RBFOX2: variants seen among roughly 807,000 people sequenced by gnomAD.
The protein encoded by RBFOX2 is RNA binding fox-1 homolog 2, also known as RNA binding protein fox-1 homolog 2.
Under a neutral mutation model 49.1 loss-of-function variants are expected in RBFOX2, and 10 were observed. The observed-to-expected ratio is 0.20, with a 90% CI of 0.13 to 0.35. The LOEUF is 0.35. Ranked by LOEUF, RBFOX2 falls within the 10% of genes least tolerant of loss-of-function variation. RBFOX2 has a pLI of 1.00. For synonymous variants in RBFOX2, 183 were observed against 187.4 expected (o/e 0.98, Z 0.19); for missense variants, 323 against 486.9 (o/e 0.66, Z 3.17).
At chr22:35,783,543 TG>T (rs953570834) in intron 2 of RBFOX2, among the ~76,000 whole-genome samples, 1 of 151,882 alleles carries the variant, frequency 6.6e-6, no homozygotes, top group South Asian at 2.1e-4. Context: ...AAAGCGAGTT[TG>T]GGGGGGCACA....
chr22:35,916,583 G>A lies in RBFOX2; in HGVS notation c.-34+22264C>T, dbSNP rs556147029. The stretch of plus-strand genomic sequence containing the variant: ...AGGCACAAGTCACCGTGCCCAGCCA[G>A]GAGAGTGGTTGTTAATAGTAATGAG... On this transcript the variant is annotated intron_variant, in intron 1 of 13. Coordinates refer to the RBFOX2 transcript ENST00000359369. 1.2e-4 allele frequency among the ~76,000 whole-genome samples: 19 copies of A among 152,304 alleles called. No homozygotes were observed. In the South Asian group the frequency reaches 3.7e-3, roughly 30 times the overall value.
chr22:35,749,269 CAAG>C lies in RBFOX2; in HGVS notation c.888-2711_888-2709del, dbSNP rs1170461099. ...AATACTTTACTGAAAACAAAAGGCT[CAAG>C]AATATCAGCACTAAGAAAAAACACA... On this transcript the variant is annotated intron_variant, in intron 9 of 11. Transcript: ENST00000405409. This position sits in a 1 kb window ranked among gnomAD's most constrained non-coding sequence, Gnocchi z 4.1. Among the ~76,000 whole-genome samples the C allele has an allele frequency of 6.6e-6, 1 of 151,996 alleles. No homozygotes were observed. The highest frequency in any genetic ancestry group is 2.4e-5 in the African/African-American group (1 of 41,396).
At chr22:35,819,123 C>A (rs1205365456) in intron 1 of RBFOX2, among the ~76,000 whole-genome samples, 1 of 152,052 alleles carries the variant, frequency 6.6e-6, no homozygotes, top group East Asian at 1.9e-4. Flanking sequence ...GCTTCCTCAC[C>A]AAATGAAGTG....
chr22:35,920,677 G>C (rs1375448310), intron 1 of RBFOX2, among the ~76,000 whole-genome samples: 1 of 152,090 alleles, frequency 6.6e-6, no homozygotes, highest in Admixed American at 6.5e-5. Flanking sequence ...AAACAAGACG[G>C]ACTTTAGCAA....
exon 12 of RBFOX2, chr22:35,739,875 T>C (rs978092452): frequency 5.2e-5 from 8 of 152,532 alleles, no homozygotes; most frequent in African/African-American, 1.4e-4. Flanking sequence ...AAGGCTTGAG[T>C]TTTGGCTGAT....
intron 2 of RBFOX2, among the ~76,000 whole-genome samples, chr22:35,795,397 G>A (rs1294023534): frequency 6.6e-6 from 1 of 151,992 alleles, no homozygotes; most frequent in Non-Finnish European, 1.5e-5. Flanking sequence ...ACAATACATA[G>A]TATGATAGAC....
At chr22:35,826,094 C>G (rs1195618788) in intron 1 of RBFOX2, among the ~76,000 whole-genome samples, 2 of 147,266 alleles carry the variant, frequency 1.4e-5, no homozygotes, top group African/African-American at 2.5e-5. Flanking sequence ...ATAATCCCAG[C>G]ACTTTGGGAA....
chr22:35,843,088 AGAG>A (rs1465903788), upstream of RBFOX2, among the ~76,000 whole-genome samples: 1 of 152,222 alleles, frequency 6.6e-6, no homozygotes, highest in Non-Finnish European at 1.5e-5. Flanking sequence ...CTGGTATTAT[AGAG>A]GACAATTTGC....
chr22:35,823,986 A>G (rs1955091252), intron 1 of RBFOX2, among the ~76,000 whole-genome samples: 1 of 152,046 alleles, frequency 6.6e-6, no homozygotes, highest in Non-Finnish European at 1.5e-5. Context: ...CATCTCTACT[A>G]AAGATACAAA....
chr22:35,861,981 T>G (rs1427952630), intron 1 of RBFOX2, among the ~76,000 whole-genome samples: 1 of 152,184 alleles, frequency 6.6e-6, no homozygotes, highest in Non-Finnish European at 1.5e-5. Context: ...GTAACATGGA[T>G]GAATTTCAAA....
intron 1 of RBFOX2, among the ~76,000 whole-genome samples, chr22:35,949,146 A>C (rs1868658531): frequency 6.6e-6 from 1 of 152,234 alleles, no homozygotes; most frequent in Non-Finnish European, 1.5e-5. Flanking sequence ...ATATTGTAGC[A>C]CGTGTCAGAA....
chr22:36,022,427 C>T (rs6000066), intron 1 of RBFOX2, among the ~76,000 whole-genome samples: 35,531 of 152,068 alleles, frequency 0.23, 6,734 homozygotes, highest in African/African-American at 0.53. Context: ...GGGAGACAAA[C>T]TCAACTCAAG....
intron 1 of RBFOX2, among the ~76,000 whole-genome samples, chr22:35,867,343 T>C (rs899310620): frequency 1.3e-5 from 2 of 152,334 alleles, no homozygotes; most frequent in Middle Eastern, 3.4e-3. Context: ...TCCAGAATAA[T>C]ATGAGTACAT....
chr22:35,746,176 A>AAATCTGAAGTACTTCCAT (rs1456983564), intron 10 of RBFOX2, among the ~76,000 whole-genome samples, 181 bp from the exon 13 acceptor site: 2 of 152,252 alleles, frequency 1.3e-5, no homozygotes, highest in African/African-American at 4.8e-5. Flanking sequence ...TAACTGAAAA[A>AAATCTGAAGTACTTCCAT]AATCTGAAGT....
chr22:35,996,111 T>C (rs2058179902), intron 1 of RBFOX2: 1 of 152,190 alleles, frequency 6.6e-6, no homozygotes, highest in Non-Finnish European at 1.5e-5. Context: ...AAGCTTGTTT[T>C]TATTTTCTCT....
At chr22:35,957,542 G>T (rs1165883399) in intron 1 of RBFOX2, among the ~76,000 whole-genome samples, 2 of 152,218 alleles carry the variant, frequency 1.3e-5, no homozygotes, top group Non-Finnish European at 1.5e-5. Context: ...AGGTTACAGA[G>T]CTAGTCTAAG....
intron 1 of RBFOX2, among the ~76,000 whole-genome samples, chr22:35,973,494 C>A (rs2056989335): frequency 6.6e-6 from 1 of 152,196 alleles, no homozygotes; most frequent in South Asian, 2.1e-4. Flanking sequence ...CAATTAGGAA[C>A]CAATTCTTGA....
intron 1 of RBFOX2, among the ~76,000 whole-genome samples, chr22:35,824,589 C>T (rs996844739): frequency 6.6e-6 from 1 of 152,144 alleles, no homozygotes; most frequent in African/African-American, 2.4e-5. Context: ...ATCAGAAATG[C>T]TATTATAAAC....
In RBFOX2 at chr22:36,028,207, G is replaced by A. The variant is rs1374575380; in HGVS notation, c.186+33C>T. 8 of 1,451,236 alleles carry A rather than the reference G, an allele frequency of 5.5e-6. No homozygotes were observed. The East Asian group carries it at 1.7e-4, about 31-fold the overall frequency. 89.9% of individuals were successfully genotyped at this position (1,451,236 alleles called of 1,614,324 possible). A position where few individuals can be genotyped will look rare whatever the true frequency, so the allele number is the denominator to read the frequency against. ...GGTGTCGACCCTCACGCCCACCCCCGCAATAACTGGGCGCCCCGTCCCGCG... is the reference window on the plus strand; with the variant it reads ...GGTGTCGACCCTCACGCCCACCCCCACAATAACTGGGCGCCCCGTCCCGCG... On this transcript the variant is annotated intron_variant, in intron 1 of 13. Coordinates refer to the RBFOX2 transcript ENST00000438146.
Sources: allele counts gnomAD v4.1 joint callset (sites outside exome capture counted in the v4.1 genomes callset), GRCh38; gene constraint gnomAD v4.1.1; non-coding constraint Gnocchi (gnomAD v3.1); transcripts MANE v1.5; gene names NCBI Gene and HGNC (gene_info 2026-07-23, HGNC 2026-07-21).